Variants in SBF2 observed in about 807,000 individuals in gnomAD.
The protein encoded by SBF2 is myotubularin-related protein 13.
SBF2 carries 112 observed loss-of-function variants against 225.2 expected under a neutral mutation model. That is an observed-to-expected ratio of 0.50 (90% CI 0.43 to 0.58). SBF2 has a LOEUF of 0.58. Ranked by LOEUF, SBF2 falls within the 20% of genes least tolerant of loss-of-function variation. The probability of loss-of-function intolerance (pLI) is 0.00; values close to 1 mark genes in which losing one functional copy is unlikely to be tolerated. For missense variants in SBF2, 1,996 were observed against 2,206.2 expected, an observed-to-expected ratio of 0.90 and a Z score of 1.91; for synonymous variants, 763 against 773.3, an observed-to-expected ratio of 0.99 and a Z score of 0.22.
intron 2 of SBF2, among the ~76,000 whole-genome samples, chr11:10,125,134 T>G (rs1953690520): frequency 6.8e-6 from 1 of 147,464 alleles, no homozygotes; most frequent in Non-Finnish European, 1.5e-5. Context: ...AAAATTCTAC[T>G]TAGAATTTTA....
chr11:9,906,697 C>T (rs775024129), intron 16 of SBF2, among the ~76,000 whole-genome samples: 9 of 152,178 alleles, frequency 5.9e-5, no homozygotes, highest in Non-Finnish European at 1.0e-4. Flanking sequence ...GGGAATCAGT[C>T]CATAAATACA....
At chr11:9,900,844 C>G (rs1476255937) in intron 16 of SBF2, among the ~76,000 whole-genome samples, 25 of 152,170 alleles carry the variant, frequency 1.6e-4, no homozygotes, top group Non-Finnish European at 2.9e-5. Context: ...TCAAGCGATC[C>G]TCCTGCCTCA....
intron 2 of SBF2, among the ~76,000 whole-genome samples, chr11:10,170,633 C>CT (rs970682552): frequency 2.6e-5 from 4 of 151,742 alleles, no homozygotes; most frequent in African/African-American, 7.3e-5. Context: ...TATTCTGGGT[C>CT]TTTTTTTGCC....
chr11:10,193,259 A>G (rs11042659), intron 2 of SBF2, among the ~76,000 whole-genome samples: 14,417 of 151,334 alleles, frequency 0.095, 929 homozygotes, highest in East Asian at 0.28. Context: ...AAATATATAT[A>G]TGTGTATCCC....
intron 2 of SBF2, among the ~76,000 whole-genome samples, chr11:10,164,279 G>A (rs1955864280): frequency 6.6e-6 from 1 of 151,918 alleles, no homozygotes. Flanking sequence ...TAATTTTGTA[G>A]GACATAATTA....
At chr11:9,840,366 T>C (rs1395599885) in intron 25 of SBF2, among the ~76,000 whole-genome samples, 1 of 151,756 alleles carries the variant, frequency 6.6e-6, no homozygotes, top group Admixed American at 6.6e-5. Flanking sequence ...GTAACTTCTG[T>C]GAGGAATCAC....
At chr11:10,214,354 T>C (rs1958049939) in intron 1 of SBF2, among the ~76,000 whole-genome samples, 1 of 152,222 alleles carries the variant, frequency 6.6e-6, no homozygotes, top group Non-Finnish European at 1.5e-5. Context: ...CCGGGCGCGG[T>C]GGCTCACGCC....
At chr11:10,292,840 G>T (rs1268135085) in intron 1 of SBF2, among the ~76,000 whole-genome samples, 1 of 152,142 alleles carries the variant, frequency 6.6e-6, no homozygotes, top group African/African-American at 2.4e-5. Context: ...TTTGGATCCA[G>T]AAGTTTAAAC....
At chr11:9,888,926 G>A (rs1056883434) in intron 17 of SBF2, among the ~76,000 whole-genome samples, 4 of 152,146 alleles carry the variant, frequency 2.6e-5, no homozygotes, top group African/African-American at 7.2e-5. Flanking sequence ...CAAGTCAAAC[G>A]TAGCATCTTG....
At chr11:10,204,190 AACAGT>A (rs1346260678) in intron 1 of SBF2, among the ~76,000 whole-genome samples, 4 of 151,782 alleles carry the variant, frequency 2.6e-5, no homozygotes, top group Non-Finnish European at 5.9e-5. Context: ...TCTCATTATA[AACAGT>A]ACAAGCTAGA....
intron 2 of SBF2, among the ~76,000 whole-genome samples, chr11:10,113,970 G>T (rs1014079563): frequency 6.6e-6 from 1 of 151,996 alleles, no homozygotes; most frequent in Non-Finnish European, 1.5e-5. Flanking sequence ...ATCTCAACAG[G>T]TACCCTTTAC....
At chr11:9,799,862 C>G (rs980600996) in intron 32 of SBF2, among the ~76,000 whole-genome samples, 1 of 152,180 alleles carries the variant, frequency 6.6e-6, no homozygotes, top group Non-Finnish European at 1.5e-5. Context: ...TTTGCATTTT[C>G]TAATGAAGAA....
At chr11:10,141,849 G>T (rs1354945659) in intron 2 of SBF2, among the ~76,000 whole-genome samples, 1 of 152,138 alleles carries the variant, frequency 6.6e-6, no homozygotes, top group Non-Finnish European at 1.5e-5. Flanking sequence ...CATTCATCAA[G>T]AAACTATGCC....
At chr11:10,172,791 C>A (rs542056198) in intron 2 of SBF2, among the ~76,000 whole-genome samples, 1 of 152,162 alleles carries the variant, frequency 6.6e-6, no homozygotes, top group Admixed American at 6.5e-5. Flanking sequence ...CTCAGCCTCC[C>A]GAGTAGCTGG....
chr11:9,839,581 T>A lies in SBF2; in HGVS notation c.3372A>T (p.Gly1124=), dbSNP rs766834058. 6.2e-7 allele frequency: 1 copy of A among 1,614,162 alleles called. No individual in the cohort carries two copies. The highest frequency in any genetic ancestry group is 8.5e-7 in the Non-Finnish European group (1 of 1,180,022). Reference sequence around the variant, plus strand: ...AACGGGAAGAGCTGCCACTTATGGTTCCTAAACCTAAACGCTGATAGTCTC... The same window carrying A: ...AACGGGAAGAGCTGCCACTTATGGTACCTAAACCTAAACGCTGATAGTCTC... ...CFRDYQRLGL[G]TISGSSSRSR... Residue 1124 remains glycine, a synonymous_variant, in exon 26 of 40, where the codon GGA becomes GGT. Transcript: ENST00000256190.
At chr11:10,269,175 T>A (rs1318099764) in intron 1 of SBF2, among the ~76,000 whole-genome samples, 1 of 152,220 alleles carries the variant, frequency 6.6e-6, no homozygotes, top group South Asian at 2.1e-4. Context: ...GTTTAGATAA[T>A]GTTTCCAGAG....
intron 1 of SBF2, among the ~76,000 whole-genome samples, chr11:10,300,072 C>T (rs1054126502): frequency 6.6e-6 from 1 of 152,192 alleles, no homozygotes; most frequent in Non-Finnish European, 1.5e-5. Context: ...TCTTTCCCAT[C>T]TCTGAGTGTT....
chr11:9,813,380 C>T (rs1006498688), intron 29 of SBF2, among the ~76,000 whole-genome samples: 5 of 152,028 alleles, frequency 3.3e-5, no homozygotes, highest in Non-Finnish European at 5.9e-5. Flanking sequence ...CAGGCTGGAG[C>T]GCAATGGTGC....
At chr11:10,147,459 A>G (rs1202210655) in intron 2 of SBF2, among the ~76,000 whole-genome samples, 1 of 152,182 alleles carries the variant, frequency 6.6e-6, no homozygotes, top group Non-Finnish European at 1.5e-5. Flanking sequence ...TTAGCAAACT[A>G]ACAGAAAAAC....
Sources: gnomAD v4.1 joint callset for allele counts (sites outside exome capture counted in the v4.1 genomes callset) on GRCh38, gnomAD v4.1.1 for gene constraint, MANE v1.5 for transcripts, NCBI Gene and HGNC (gene_info 2026-07-23, HGNC 2026-07-21) for gene names.